HS3ST2: variants seen among roughly 807,000 people sequenced by gnomAD.
The protein encoded by HS3ST2 is heparan sulfate glucosamine 3-O-sulfotransferase 2.
Under a neutral mutation model 26.3 loss-of-function variants are expected in HS3ST2, and 17 were observed. The observed-to-expected ratio is 0.65, with a 90% CI of 0.44 to 0.97. HS3ST2 has a LOEUF of 0.97. Among genes scored for constraint, HS3ST2 ranks in the 50% least tolerant of loss-of-function variants. The pLI, the probability that HS3ST2 is intolerant of heterozygous loss-of-function variation, is 0.00. For missense variants in HS3ST2, 402 were observed against 501.2 expected (o/e 0.80, Z 1.89); for synonymous variants, 237 against 219.2 (o/e 1.08, Z -0.72).
chr16:22,855,698 C>CTCTCTG (rs1555512846), intron 1 of HS3ST2, among the ~76,000 whole-genome samples: 24 of 126,860 alleles, frequency 1.9e-4, no homozygotes, highest in Non-Finnish European at 2.7e-4. Flanking sequence ...GTCTCTCTGT[C>CTCTCTG]TCTCTCTCTC....
chr16:22,816,367 G>A (rs1026764467), intron 1 of HS3ST2, among the ~76,000 whole-genome samples: 15 of 152,194 alleles, frequency 9.9e-5, no homozygotes, highest in African/African-American at 3.6e-4. Context: ...TTGTTAGAAA[G>A]AGGACCCCAC....
intron 1 of HS3ST2, among the ~76,000 whole-genome samples, chr16:22,895,979 C>CA (rs1555514382): frequency 6.9e-6 from 1 of 144,176 alleles, no homozygotes; most frequent in Non-Finnish European, 1.5e-5. Flanking sequence ...TAATTTTTAT[C>CA]TTTTTTTTTT....
At chr16:22,819,626 C>T (rs1291848224) in intron 1 of HS3ST2, among the ~76,000 whole-genome samples, 1 of 152,260 alleles carries the variant, frequency 6.6e-6, no homozygotes, top group African/African-American at 2.4e-5. Context: ...ACTCTGTGTT[C>T]TGGTGTCCAA....
rs1159183388 is a variant in HS3ST2 at position 22,913,123 on chromosome 16, A to AAAGGAAGGAAGGAAGG, written c.486-1808_486-1793dup. Among the ~76,000 whole-genome samples, 451 of 94,138 alleles carry AAAGGAAGGAAGGAAGG rather than the reference A, an allele frequency of 4.8e-3. 10 individuals carry two copies. The highest frequency in any genetic ancestry group is 6.7e-3 in the African/African-American group (168 of 25,076). The allele number at this position is 94,138 out of a possible 152,430, so 61.8% of individuals were successfully genotyped here. A position where few individuals can be genotyped will look rare whatever the true frequency, so the allele number is the denominator to read the frequency against. On this transcript the variant is annotated intron_variant, in intron 1 of 1. Coordinates refer to ENST00000261374, the MANE Select transcript of HS3ST2 (RefSeq NM_006043.2). ...AAAGAAAGAAAGAAAGAGAAGAAAG[A>AAAGGAAGGAAGGAAGG]AAGGAAGGAAGGAAGGAAGGAAGGA...
intron 1 of HS3ST2, among the ~76,000 whole-genome samples, chr16:22,891,160 GT>G (rs1259565712): frequency 6.6e-6 from 1 of 152,208 alleles, no homozygotes; most frequent in African/African-American, 2.4e-5. Flanking sequence ...TCAGCTGCAT[GT>G]TTTGCAAGAC....
chr16:22,914,925 A>G lies in HS3ST2; in HGVS notation c.486-19A>G. On this transcript the variant is annotated intron_variant, in intron 1 of 1. Transcript: ENST00000261374. The stretch of plus-strand genomic sequence containing the variant: ...CCCAGGGAAACCTATTTGATGATGT[A>G]TTCCTTCTGCCCACACAGGAGCCTG... The G allele has an allele frequency of 6.3e-7, 1 of 1,595,498 alleles. No individual in the cohort carries two copies. Among genetic ancestry groups the G allele is most frequent in the South Asian group, 1.1e-5 (1 of 88,728 alleles).
intron 1 of HS3ST2, among the ~76,000 whole-genome samples, chr16:22,858,203 T>C (rs1344170792): frequency 6.6e-6 from 1 of 151,938 alleles, no homozygotes. Context: ...ATAATTGGAT[T>C]TTTGTAACCC....
intron 1 of HS3ST2, among the ~76,000 whole-genome samples, chr16:22,875,044 G>A (rs1249803631): frequency 2.6e-5 from 4 of 152,170 alleles, no homozygotes; most frequent in South Asian, 4.1e-4. Context: ...GACGTGTGCT[G>A]TAAAATCCAT....
At chr16:22,866,745 G>T (rs1901763855) in intron 1 of HS3ST2, among the ~76,000 whole-genome samples, 2 of 152,046 alleles carry the variant, frequency 1.3e-5, no homozygotes, top group South Asian at 4.2e-4. Flanking sequence ...TCAAGGGGAT[G>T]TTGAGCCAAG....
chr16:22,821,252 C>T lies in HS3ST2; in HGVS notation c.485+6157C>T, dbSNP rs7196029. 2.9e-3 allele frequency among the ~76,000 whole-genome samples: 441 copies of T among 152,072 alleles called. 4 individuals carry two copies. Among genetic ancestry groups the T allele is most frequent in the African/African-American group, 1.0e-2 (413 of 41,494 alleles). On this transcript the variant is annotated intron_variant, in intron 1 of 1. Transcript: ENST00000261374. ...ACAGAGGCACTTGCTGTACCTTGCA[C>T]ATATCTGGAGACACATCCAAAGGGC...
intron 1 of HS3ST2, among the ~76,000 whole-genome samples, chr16:22,894,302 C>G (rs79929934): frequency 0.047 from 7,134 of 152,264 alleles, 253 homozygotes; most frequent in Non-Finnish European, 0.072. Flanking sequence ...TGGGGGCTCC[C>G]TGGTTCAATA....
At chr16:22,859,077 G>A (rs186878055) in intron 1 of HS3ST2, among the ~76,000 whole-genome samples, 23 of 152,218 alleles carry the variant, frequency 1.5e-4, no homozygotes, top group African/African-American at 5.5e-4. Flanking sequence ...GAGGTGGGAG[G>A]ATCCCTTAAG....
chr16:22,914,968 G>A lies in HS3ST2; in HGVS notation c.510G>A (p.Glu170=), dbSNP rs1902473865. 6.2e-7 allele frequency: 1 copy of A among 1,613,204 alleles called. No individual in the cohort carries two copies. Among genetic ancestry groups the A allele is most frequent in the Admixed American group, 1.7e-5 (1 of 59,980 alleles). The change falls in exon 2 of 2, where the codon GAG becomes GAA. Residue 170 remains glutamate, a synonymous_variant. Transcript: ENST00000261374. ...WYRSLMPRTL[E]SQITLEKTPS... is the part of the protein sequence containing the mutation. Reference sequence around the variant, plus strand: ...GGAGCCTGATGCCCAGGACCCTCGAGAGCCAGATCACGCTGGAGAAGACGC... The same window carrying A: ...GGAGCCTGATGCCCAGGACCCTCGAAAGCCAGATCACGCTGGAGAAGACGC...
At chr16:22,876,011 A>C (rs1309271299) in intron 1 of HS3ST2, among the ~76,000 whole-genome samples, 1 of 152,204 alleles carries the variant, frequency 6.6e-6, no homozygotes, top group Non-Finnish European at 1.5e-5. Flanking sequence ...GGTTTGTGTA[A>C]GTACATTCTG....
In HS3ST2 at chr16:22,841,175, C is replaced by T. The variant is rs570508447; in HGVS notation, c.485+26080C>T. ...TTCCTGGGTTCAAGCGATTCTCCTG[C>T]CTCAGCCTCCTGAGTAGCTGGGATT... is the stretch of plus-strand genomic sequence containing the variant. On this transcript the variant is annotated intron_variant, in intron 1 of 1. Transcript: ENST00000261374. 6.3e-4 allele frequency among the ~76,000 whole-genome samples: 96 copies of T among 152,244 alleles called. No homozygotes were observed. In the South Asian group the frequency reaches 0.02, roughly 31 times the overall value.
chr16:22,867,082 A>G (rs917958369), intron 1 of HS3ST2, among the ~76,000 whole-genome samples: 1 of 152,218 alleles, frequency 6.6e-6, no homozygotes, highest in African/African-American at 2.4e-5. Flanking sequence ...TTAAAAGTAT[A>G]GTACTGCTGT....
intron 1 of HS3ST2, among the ~76,000 whole-genome samples, chr16:22,882,646 G>T (rs1902004289): frequency 6.6e-6 from 1 of 152,114 alleles, no homozygotes; most frequent in Admixed American, 6.5e-5. Flanking sequence ...AGCCAGACTT[G>T]CTTGAACCCA....
At chr16:22,861,624 A>C (rs1259578177) in intron 1 of HS3ST2, among the ~76,000 whole-genome samples, 1 of 152,168 alleles carries the variant, frequency 6.6e-6, no homozygotes, top group Non-Finnish European at 1.5e-5. Flanking sequence ...AGTGACTAAA[A>C]GAAACACAAT....
chr16:22,842,373 A>AATTTTATT (rs1901371689), intron 1 of HS3ST2, among the ~76,000 whole-genome samples: 1 of 151,928 alleles, frequency 6.6e-6, no homozygotes, highest in Non-Finnish European at 1.5e-5. Flanking sequence ...GGAGTACTGT[A>AATTTTATT]ATTTTATTAC....
Sources: gnomAD v4.1 joint callset for allele counts (sites outside exome capture counted in the v4.1 genomes callset) on GRCh38, gnomAD v4.1.1 for gene constraint, MANE v1.5 for transcripts, NCBI Gene and HGNC (gene_info 2026-07-23, HGNC 2026-07-21) for gene names.